Variants in PATL1 observed in about 807,000 individuals in gnomAD.
PATL1 encodes the protein PAT1 homolog 1, processing body mRNA decay factor.
Under a neutral mutation model 100.6 loss-of-function variants are expected in PATL1, and 32 were observed. That is an observed-to-expected ratio of 0.32 (90% CI 0.24 to 0.43). The LOEUF is 0.43. PATL1 is among the 20% of genes least tolerant of loss of function. The pLI is 1.00. For synonymous variants in PATL1, 332 were observed against 330.0 expected, an observed-to-expected ratio of 1.01 and a Z score of -0.07; for missense variants, 747 against 949.9, an observed-to-expected ratio of 0.79 and a Z score of 2.81.
chr11:59,662,779 G>A (rs1683509486), intron 2 of PATL1, among the ~76,000 whole-genome samples: 1 of 152,118 alleles, frequency 6.6e-6, no homozygotes, highest in Admixed American at 6.5e-5. Flanking sequence ...TAATTTGCAT[G>A]CTTTTCTATC....
intron 2 of PATL1, among the ~76,000 whole-genome samples, chr11:59,660,974 A>G: frequency 6.6e-6 from 1 of 152,206 alleles, no homozygotes; most frequent in Non-Finnish European, 1.5e-5. Flanking sequence ...ACCCTCTATC[A>G]GCTGCTCTGG....
In PATL1 at chr11:59,643,389, T is replaced by G. The variant is rs138383403; in HGVS notation, c.1894-354A>C. 4.7e-3 allele frequency among the ~76,000 whole-genome samples: 717 copies of G among 151,980 alleles called. 3 individuals are homozygous for G. The highest frequency in any genetic ancestry group is 8.0e-3 in the Non-Finnish European group (547 of 67,980). The stretch of plus-strand genomic sequence containing the variant: ...ACAAATGGCAAAAGGACACAGAACC[T>G]CAGGGATCTAAAGTATAGCGGAGAA... On this transcript the variant is annotated intron_variant, in intron 15 of 18. Coordinates refer to ENST00000300146, the MANE Select transcript of PATL1 (RefSeq NM_152716.3).
chr11:59,660,625 T>C (rs1861614063), intron 2 of PATL1, among the ~76,000 whole-genome samples: 2 of 152,128 alleles, frequency 1.3e-5, no homozygotes, highest in South Asian at 4.1e-4. Context: ...CAAGGAGGAC[T>C]GTGTCTGGAA....
In PATL1 at chr11:59,639,134, C is replaced by T. The variant is rs764139203; in HGVS notation, c.2205G>A (p.Lys735=). 22 of 1,613,896 alleles carry T rather than the reference C, an allele frequency of 1.4e-5. No individual in the cohort carries two copies. The highest frequency in any genetic ancestry group is 3.3e-5 in the Admixed American group (2 of 59,996). The change falls in exon 18 of 19, where the codon AAG becomes AAA. Residue 735 remains lysine (K), a synonymous_variant. Transcript: ENST00000300146. The stretch of plus-strand genomic sequence containing the variant: ...CTAGGTTTGTAGGTATAGAGATTGG[C>T]TTGGCCAGGGCTGCTTGGGGAATCC... The part of the protein sequence containing the change: ...LLRIPQAALA[K]PISIPTNLVS...
chr11:59,655,388 A>G, intron 8 of PATL1, 135 bp downstream of exon 8: 2 of 829,480 alleles, frequency 2.4e-6, no homozygotes, highest in Non-Finnish European at 1.8e-6. Context: ...AAACATTTCC[A>G]TGTTTGCCAA....
At chr11:59,656,083 T>C (rs1488053177) in intron 6 of PATL1, 38 bp from the exon 7 acceptor site, 1 of 1,168,334 alleles carries the variant, frequency 8.6e-7, no homozygotes. Context: ...GAATATGCTA[T>C]AAAACAGGGG....
At chr11:59,661,759 T>C (rs552994183) in intron 2 of PATL1, among the ~76,000 whole-genome samples, 1 of 152,374 alleles carries the variant, frequency 6.6e-6, no homozygotes, top group South Asian at 2.1e-4. Context: ...GTGTTAAGTT[T>C]ATAAAGTTAA....
At chr11:59,668,686 T>G (rs1211979968) in intron 1 of PATL1, among the ~76,000 whole-genome samples, 195 bp downstream of exon 1, 3 of 152,054 alleles carry the variant, frequency 2.0e-5, no homozygotes, top group African/African-American at 7.2e-5. Flanking sequence ...CTAATGGGAC[T>G]GTCTCGACCC....
chr11:59,641,699 G>A (rs1861282988), intron 16 of PATL1, among the ~76,000 whole-genome samples: 1 of 152,006 alleles, frequency 6.6e-6, no homozygotes, highest in African/African-American at 2.4e-5. Flanking sequence ...GTTGCAGTGA[G>A]CCGAGATCTT....
chr11:59,658,091 AAGT>A, intron 4 of PATL1, among the ~76,000 whole-genome samples: 1 of 151,882 alleles, frequency 6.6e-6, no homozygotes, highest in African/African-American at 2.4e-5. Context: ...TTGAGCCCGG[AAGT>A]TCAAGGTTAC....
intron 16 of PATL1, among the ~76,000 whole-genome samples, chr11:59,640,922 A>T (rs931985655): frequency 3.9e-5 from 6 of 152,174 alleles, no homozygotes; most frequent in African/African-American, 1.4e-4. Flanking sequence ...CTGTAATCCC[A>T]GCACTTTGGG....
intron 2 of PATL1, among the ~76,000 whole-genome samples, chr11:59,661,767 T>C (rs774875214): frequency 4.6e-5 from 7 of 152,258 alleles, no homozygotes; most frequent in Admixed American, 6.5e-5. Flanking sequence ...TTTATAAAGT[T>C]AACTTGTTTC....
intron 2 of PATL1, among the ~76,000 whole-genome samples, chr11:59,659,956 A>G (rs558639293): frequency 2.0e-4 from 30 of 152,236 alleles, no homozygotes; most frequent in Non-Finnish European, 3.8e-4. Context: ...CATGCTTTTT[A>G]TAAGTAAAAG....
At chr11:59,643,069 C>T in intron 15 of PATL1, 34 bp from the exon 16 acceptor site, 1 of 1,602,490 alleles carries the variant, frequency 6.2e-7, no homozygotes, top group Non-Finnish European at 8.5e-7. Context: ...TATATCCTGG[C>T]ACGTGTTACT....
At position 59,668,843 on chromosome 11, in the gene PATL1, G is replaced by C. The variant is rs1296555632; in HGVS notation, c.15+38C>G. On this transcript the variant is annotated intron_variant, in intron 1 of 18. Coordinates refer to ENST00000300146, the MANE Select transcript of PATL1 (RefSeq NM_152716.3). ...GAGAGAGTGAGGGAGAGGGGCGCGG[G>C]AGGGAGGGAGGGGTCACTTCCGGTC... The C allele has an allele frequency of 7.4e-6, 9 of 1,211,336 alleles. No homozygotes were observed. The Admixed American group carries it at 1.9e-4, about 26-fold the overall frequency. The allele number at this position is 1,211,336 out of a possible 1,614,324, so 75.0% of individuals were successfully genotyped here.
At position 59,637,664 on chromosome 11, in the gene PATL1, A is replaced by C. The variant is rs1861211475; in HGVS notation, c.*726T>G. The C allele has an allele frequency of 6.6e-6, 1 of 152,350 alleles. No individual in the cohort carries two copies. The highest frequency in any genetic ancestry group is 2.4e-5 in the African/African-American group (1 of 41,466). 9.4% of individuals were successfully genotyped at this position (152,350 alleles called of 1,614,324 possible). On this transcript the variant is annotated 3_prime_UTR_variant, in exon 19 of 19. Transcript: ENST00000300146. Reference sequence around the variant, plus strand: ...CTAAGGAAATAAAGGTGGGAAGAAGAAAAAGGACTTCTCAGCCTAGACCTG... The same window carrying C: ...CTAAGGAAATAAAGGTGGGAAGAAGCAAAAGGACTTCTCAGCCTAGACCTG...
chr11:59,667,187 G>T, intron 1 of PATL1: 1 of 657,812 alleles, frequency 1.5e-6, no homozygotes, highest in Non-Finnish European at 1.9e-6. Flanking sequence ...TTTAATTCTT[G>T]CCCCACCTCA....
chr11:59,643,222 C>A (rs1408112746), intron 15 of PATL1, among the ~76,000 whole-genome samples, 187 bp from the exon 16 acceptor site: 1 of 151,904 alleles, frequency 6.6e-6, no homozygotes, highest in Non-Finnish European at 1.5e-5. Flanking sequence ...TCTCAATTTG[C>A]ATTGGAAACA....
chr11:59,639,523 T>A, intron 16 of PATL1, 140 bp from the exon 17 acceptor site: 1 of 651,238 alleles, frequency 1.5e-6, no homozygotes, highest in Middle Eastern at 4.3e-4. Flanking sequence ...TAAAACCAGG[T>A]AAAGATCAGA....
Sources: gnomAD v4.1 joint callset for allele counts (sites outside exome capture counted in the v4.1 genomes callset) on GRCh38, gnomAD v4.1.1 for gene constraint, MANE v1.5 for transcripts, NCBI Gene and HGNC (gene_info 2026-07-23, HGNC 2026-07-21) for gene names.